The following CIITA variants were observed in gnomAD, a reference collection of about 807,000 sequenced individuals.
The protein encoded by CIITA is class II major histocompatibility complex transactivator, also known as MHC class II transactivator.
Under a neutral mutation model 115.1 loss-of-function variants are expected in CIITA, and 72 were observed. That is an observed-to-expected ratio of 0.63 (90% CI 0.52 to 0.76). The LOEUF (loss-of-function observed/expected upper bound fraction) is 0.76. Ranked by LOEUF, CIITA falls within the 30% of genes least tolerant of loss-of-function variation. The pLI is 0.00. For synonymous variants in CIITA, 763 were observed against 635.6 expected (o/e 1.20, Z -3.02); for missense variants, 1,617 against 1,463.8 (o/e 1.10, Z -1.71).
intron 1 of CIITA, among the ~76,000 whole-genome samples, chr16:10,881,678 T>C (rs2036448825): frequency 2.0e-5 from 3 of 152,228 alleles, no homozygotes; most frequent in South Asian, 4.1e-4. Context: ...GTAAAATACA[T>C]ATAACATAAA....
intron 7 of CIITA, 88 bp from the exon 8 acceptor site, chr16:10,902,570 G>C: frequency 6.5e-7 from 1 of 1,546,258 alleles, no homozygotes; most frequent in African/African-American, 1.4e-5. Flanking sequence ...CCCTTTAGGG[G>C]GGTCAGACAT....
chr16:10,899,659 T>C (rs774419430), intron 5 of CIITA, among the ~76,000 whole-genome samples: 1 of 152,192 alleles, frequency 6.6e-6, no homozygotes, highest in Non-Finnish European at 1.5e-5. Flanking sequence ...AAAACATCTG[T>C]AAAATGGGTG....
At chr16:10,923,000 T>G (rs994487384) in intron 18 of CIITA, 2 of 586,326 alleles carry the variant, frequency 3.4e-6, no homozygotes, top group Non-Finnish European at 6.1e-6. Context: ...AGCAGTTAAC[T>G]AACCTTTCTG....
At chr16:10,868,499 G>T (rs1433948351) in intron 1 of CIITA, among the ~76,000 whole-genome samples, 1 of 152,112 alleles carries the variant, frequency 6.6e-6, no homozygotes, top group African/African-American at 2.4e-5. Context: ...TCGTCTATTG[G>T]ACTCCTCTTT....
Position 10,877,476 on chromosome 16 carries a change from G to A in CIITA, c.52+94G>A, listed in dbSNP as rs2035939768. 2.3e-6 allele frequency: 3 copies of A among 1,312,182 alleles called. No individual in the cohort carries two copies. The Admixed American group carries it at 5.9e-5, about 26-fold the overall frequency. 81.3% of individuals were successfully genotyped at this position (1,312,182 alleles called of 1,614,324 possible). A position where few individuals can be genotyped will look rare whatever the true frequency, so the allele number is the denominator to read the frequency against. On this transcript the variant is annotated intron_variant, in intron 1 of 19. Transcript: ENST00000324288. Reference sequence around the variant, plus strand: ...AGAGAAACCATTCTGAATTGGGGATGGGGGTGAGGATGGGAACAGGAGTCT... The same window carrying A: ...AGAGAAACCATTCTGAATTGGGGATAGGGGTGAGGATGGGAACAGGAGTCT...
intron 1 of CIITA, among the ~76,000 whole-genome samples, chr16:10,867,453 A>C (rs1352842182): frequency 6.6e-6 from 1 of 151,852 alleles, no homozygotes; most frequent in Non-Finnish European, 1.5e-5. Flanking sequence ...ACAGACACAG[A>C]AAGAGACAGA....
At chr16:10,892,682 C>A (rs1477255345) in intron 1 of CIITA, among the ~76,000 whole-genome samples, 1 of 152,196 alleles carries the variant, frequency 6.6e-6, no homozygotes, top group South Asian at 2.1e-4. Context: ...CCTGTAATCC[C>A]AGCACTTTGG....
intron 1 of CIITA, among the ~76,000 whole-genome samples, chr16:10,871,154 G>C (rs770853493): frequency 7.2e-5 from 11 of 152,234 alleles, no homozygotes; most frequent in Non-Finnish European, 1.6e-4. Context: ...CTATAAAGTG[G>C]AGATGATAAT....
At chr16:10,899,206 C>G (rs1191127062) in intron 5 of CIITA, among the ~76,000 whole-genome samples, 5 of 152,200 alleles carry the variant, frequency 3.3e-5, no homozygotes, top group Non-Finnish European at 7.4e-5. Flanking sequence ...AAAATACATG[C>G]CACAAGGCCT....
At chr16:10,916,128 G>A (rs141506668) in intron 14 of CIITA, among the ~76,000 whole-genome samples, 1 of 152,352 alleles carries the variant, frequency 6.6e-6, no homozygotes, top group African/African-American at 2.4e-5. Flanking sequence ...TTCCTAAGAA[G>A]CTAAACAGGG....
At chr16:10,921,028 C>G (rs1396236305) in intron 16 of CIITA, among the ~76,000 whole-genome samples, 1 of 152,128 alleles carries the variant, frequency 6.6e-6, no homozygotes, top group African/African-American at 2.4e-5. Flanking sequence ...GCCATCACAC[C>G]CGGCTAATTT....
chr16:10,941,780 G>T lies in CIITA; in HGVS notation n.906G>T, dbSNP rs146324480. On this transcript the variant is annotated non_coding_transcript_exon_variant, in exon 2 of 2. Transcript: ENST00000573379. The surrounding 1 kb of genome is among the most constrained non-coding windows in gnomAD (Gnocchi z 6.4). ...TCAGCATCGTAAAGGCCCGAGCCGG[G>T]GTCGGAGAGCACGCCGAGGTCCACG... 7 of 1,613,762 alleles carry T rather than the reference G, an allele frequency of 4.3e-6. No individual in the cohort carries two copies. Among genetic ancestry groups the T allele is most frequent in the Non-Finnish European group, 5.9e-6 (7 of 1,179,848 alleles).
Position 10,904,749 on chromosome 16 carries a change from A to G in CIITA, c.943A>G (p.Lys315Glu). ...ACCTGCTTCTCCATCTCCAGAGCAC[A>G]AGACGTCCCCCACCCAATGCCCGGC... ...LTSRANMTEH[K>E]TSPTQCPAAG... Residue 315 changes from lysine (K) to glutamate (E), a missense_variant, in exon 10 of 20, where the codon AAG becomes GAG. Transcript: ENST00000324288. 1 of 1,614,084 alleles carries G rather than the reference A, an allele frequency of 6.2e-7. No individual in the cohort carries two copies.
In CIITA at chr16:10,908,206, T is replaced by C. The variant is rs1400386023; in HGVS notation, c.2657+57T>C. Reference sequence around the variant, plus strand: ...TTGTGTTGGGCATTAACTGCGGTCTTGGTGCCAAGCCCAGTGCTCTGTGGG... The same window carrying C: ...TTGTGTTGGGCATTAACTGCGGTCTCGGTGCCAAGCCCAGTGCTCTGTGGG... On this transcript the variant is annotated intron_variant, in intron 11 of 19. Transcript: ENST00000324288. 6 of 1,544,130 alleles carry C rather than the reference T, an allele frequency of 3.9e-6. No individual in the cohort carries two copies. The East Asian group carries it at 1.5e-4, about 38-fold the overall frequency.
chr16:10,896,670 G>A (rs1048888013), intron 3 of CIITA, among the ~76,000 whole-genome samples: 10 of 152,192 alleles, frequency 6.6e-5, no homozygotes, highest in African/African-American at 1.9e-4. Context: ...AGTGCAAGCC[G>A]GAGTCCTGCC....
chr16:10,894,954 T>A (rs1252813510), intron 1 of CIITA, among the ~76,000 whole-genome samples: 2 of 152,136 alleles, frequency 1.3e-5, no homozygotes, highest in East Asian at 3.8e-4. Context: ...GTATAGGAGG[T>A]GCTTTATAAA....
At chr16:10,899,864 G>C (rs750065234) in intron 5 of CIITA, among the ~76,000 whole-genome samples, 1 of 152,214 alleles carries the variant, frequency 6.6e-6, no homozygotes, top group Non-Finnish European at 1.5e-5. Flanking sequence ...CGGATCACTT[G>C]AGGTCAGGAG....
chr16:10,877,868 G>T (rs1213000122), intron 1 of CIITA, among the ~76,000 whole-genome samples: 2 of 152,164 alleles, frequency 1.3e-5, no homozygotes, highest in African/African-American at 4.8e-5. Context: ...CCTCCCCCCA[G>T]TTTCCTAATG....
intron 13 of CIITA, among the ~76,000 whole-genome samples, chr16:10,911,414 ATC>A (rs1244422538): frequency 5.0e-4 from 47 of 94,628 alleles, no homozygotes; most frequent in East Asian, 4.3e-3. Flanking sequence ...CTCCCTCCCT[ATC>A]TCTCTCTTTC....
Sources: allele counts gnomAD v4.1 joint callset (sites outside exome capture counted in the v4.1 genomes callset), GRCh38; gene constraint gnomAD v4.1.1; non-coding constraint Gnocchi (gnomAD v3.1); transcripts MANE v1.5; gene names NCBI Gene and HGNC (gene_info 2026-07-23, HGNC 2026-07-21).